The following SLC8A3 variants were observed in gnomAD, a reference collection of about 807,000 sequenced individuals.
The protein encoded by SLC8A3 is sodium/calcium exchanger 3.
Under a neutral mutation model 65.4 loss-of-function variants are expected in SLC8A3, and 37 were observed. That is an observed-to-expected ratio of 0.57 (90% CI 0.44 to 0.74). The LOEUF (loss-of-function observed/expected upper bound fraction) is 0.74, where lower values mean the gene tolerates loss of function less well. Ranked by LOEUF, SLC8A3 falls within the 30% of genes least tolerant of loss-of-function variation. The pLI is 0.00. For missense variants in SLC8A3, 1,112 were observed against 1,172.1 expected, an observed-to-expected ratio of 0.95 and a Z score of 0.75; for synonymous variants, 461 against 444.5, an observed-to-expected ratio of 1.04 and a Z score of -0.47.
intron 2 of SLC8A3, among the ~76,000 whole-genome samples, chr14:70,125,310 T>C (rs1894369065): frequency 6.6e-6 from 1 of 152,168 alleles, no homozygotes; most frequent in Non-Finnish European, 1.5e-5. Flanking sequence ...TAATTTTTCA[T>C]CATTGACCCT....
At chr14:70,129,281 A>C (rs1309102784) in intron 2 of SLC8A3, among the ~76,000 whole-genome samples, 1 of 152,180 alleles carries the variant, frequency 6.6e-6, no homozygotes, top group African/African-American at 2.4e-5. Context: ...GTGTCCTGGA[A>C]TCTGACCATT....
At chr14:70,083,402 G>T (rs1016512559) in intron 2 of SLC8A3, among the ~76,000 whole-genome samples, 4 of 152,178 alleles carry the variant, frequency 2.6e-5, no homozygotes, top group Non-Finnish European at 5.9e-5. Context: ...ATATTGGTCT[G>T]TTTCCTCTCT....
At position 70,167,728 on chromosome 14, in the gene SLC8A3, C is replaced by A; in HGVS notation, c.695G>T (p.Trp232Leu). ...AVFSPGVVQV[W>L]EGLLTLFFFP... is the part of the protein sequence containing the mutation. ...GAAGAAGAGAGTGAGGAGGCCTTCC[C>A]AAACCTGGACCACACCAGGGGAGAA... is the stretch of plus-strand genomic sequence containing the variant. The change falls in exon 2 of 7, where the codon TGG becomes TTG. Residue 232 changes from tryptophan to leucine, a missense_variant. By Grantham distance (61) the Trp-to-Leu change is moderately conservative. Coordinates refer to ENST00000356921, the MANE Select transcript of SLC8A3 (RefSeq NM_182932.3). The A allele has an allele frequency of 6.2e-7, 1 of 1,614,124 alleles. No homozygotes were observed. The highest frequency in any genetic ancestry group is 1.3e-5 in the African/African-American group (1 of 75,020).
At chr14:70,063,368 G>A (rs1889035294) in intron 2 of SLC8A3, among the ~76,000 whole-genome samples, 1 of 152,138 alleles carries the variant, frequency 6.6e-6, no homozygotes, top group Admixed American at 6.5e-5. Flanking sequence ...TCTAAGTTTA[G>A]CCCTGAGAAT....
At chr14:70,180,842 C>G (rs984235198) in intron 1 of SLC8A3, among the ~76,000 whole-genome samples, 6 of 152,140 alleles carry the variant, frequency 3.9e-5, no homozygotes, top group African/African-American at 1.4e-4. Flanking sequence ...TTGAGGAGTG[C>G]CAACCTGGGG....
chr14:70,068,849 A>G (rs543436596), intron 2 of SLC8A3, among the ~76,000 whole-genome samples: 71 of 152,060 alleles, frequency 4.7e-4, no homozygotes, highest in Admixed American at 2.4e-3. Flanking sequence ...ACCTCAGCCT[A>G]CCGAGTAGCT....
Position 70,152,052 on chromosome 14 carries a change from C to T in SLC8A3, c.1784+14587G>A, listed in dbSNP as rs540503347. Among the ~76,000 whole-genome samples the T allele has an allele frequency of 2.0e-5, 3 of 152,254 alleles. No homozygotes were observed. The South Asian group carries it at 6.2e-4, about 32-fold the overall frequency. On this transcript the variant is annotated intron_variant, in intron 2 of 6. Transcript: ENST00000356921. ...ACACTATTCAACCCAGTACAGCTTG[C>T]CAATGGCATTTTGGGCAGATCTCAC...
chr14:70,082,264 AT>A, intron 2 of SLC8A3, among the ~76,000 whole-genome samples: 1 of 151,982 alleles, frequency 6.6e-6, no homozygotes, highest in Non-Finnish European at 1.5e-5. Context: ...TCAGATTTCA[AT>A]TTTTTTAAAA....
At position 70,166,960 on chromosome 14, in the gene SLC8A3, C is replaced by A. The variant is rs774270009; in HGVS notation, c.1463G>T (p.Arg488Leu). 21 of 1,613,974 alleles carry A rather than the reference C, an allele frequency of 1.3e-5. No individual in the cohort carries two copies. In the Admixed American group the frequency reaches 1.5e-4, roughly 12 times the overall value. The part of the protein sequence containing the change: ...EHFFVRLSNV[R>L]IEEEQPEEGM... ...CTCCTCTGGCTGCTCCTCCTCTATG[C>A]GGACATTGCTCAACCTTACAAAGAA... The change falls in exon 2 of 7, where the codon CGC (arginine) becomes CTC (leucine). Residue 488 changes from arginine (R) to leucine (L), a missense_variant. Physicochemically the swap from Arg to Leu is moderately radical, Grantham distance 102. Transcript: ENST00000356921.
chr14:70,184,027 T>C (rs974990731), intron 1 of SLC8A3, among the ~76,000 whole-genome samples: 3 of 152,198 alleles, frequency 2.0e-5, no homozygotes, highest in African/African-American at 4.8e-5. Context: ...GCAATCTATC[T>C]TCACATGTTC....
intron 2 of SLC8A3, among the ~76,000 whole-genome samples, chr14:70,144,983 A>T (rs1895837147): frequency 6.6e-6 from 1 of 152,222 alleles, no homozygotes; most frequent in Non-Finnish European, 1.5e-5. Flanking sequence ...TCTTCATATG[A>T]CAGCCCAGGC....
At chr14:70,114,643 G>A (rs1326527347) in intron 2 of SLC8A3, among the ~76,000 whole-genome samples, 2 of 152,120 alleles carry the variant, frequency 1.3e-5, no homozygotes, top group East Asian at 3.8e-4. Flanking sequence ...ATTAAAAATA[G>A]CTTTGACTTT....
At chr14:70,134,062 A>G (rs1391322372) in intron 2 of SLC8A3, among the ~76,000 whole-genome samples, 3 of 152,120 alleles carry the variant, frequency 2.0e-5, no homozygotes, top group Admixed American at 6.5e-5. Flanking sequence ...ACTTGTCCTG[A>G]CCCAGCACTG....
At chr14:70,160,135 A>G (rs1266191899) in intron 2 of SLC8A3, among the ~76,000 whole-genome samples, 1 of 152,248 alleles carries the variant, frequency 6.6e-6, no homozygotes, top group Non-Finnish European at 1.5e-5. Context: ...ATTATAAGTA[A>G]TCTAGAGATG....
At chr14:70,110,516 T>C (rs1893215975) in intron 2 of SLC8A3, among the ~76,000 whole-genome samples, 3 of 152,164 alleles carry the variant, frequency 2.0e-5, no homozygotes, top group Non-Finnish European at 4.4e-5. Context: ...TGCTAATGAC[T>C]GGATCTCATT....
At chr14:70,159,398 G>A (rs1351142442) in intron 2 of SLC8A3, among the ~76,000 whole-genome samples, 2 of 126,304 alleles carry the variant, frequency 1.6e-5, no homozygotes, top group African/African-American at 6.2e-5. Context: ...GGGCAACAGA[G>A]CAAGACTCTG....
At chr14:70,080,719 C>A (rs1890981844) in intron 2 of SLC8A3, among the ~76,000 whole-genome samples, 1 of 152,164 alleles carries the variant, frequency 6.6e-6, no homozygotes. Flanking sequence ...TGTACACGGG[C>A]AGAAAAGAGA....
chr14:70,126,570 TCACA>T (rs55776930), intron 2 of SLC8A3, among the ~76,000 whole-genome samples: 29,108 of 116,036 alleles, frequency 0.25, 3,360 homozygotes, highest in Admixed American at 0.34. Context: ...TCTCTCTCTC[TCACA>T]CACACACACA....
intron 3 of SLC8A3, among the ~76,000 whole-genome samples, chr14:70,054,865 T>C (rs1887909379): frequency 6.6e-6 from 1 of 152,186 alleles, no homozygotes; most frequent in Admixed American, 6.5e-5. Context: ...ATGAACTCTG[T>C]AAGATGTTTT....
Sources: gnomAD v4.1 joint callset for allele counts (sites outside exome capture counted in the v4.1 genomes callset) on GRCh38, gnomAD v4.1.1 for gene constraint, MANE v1.5 for transcripts, NCBI Gene and HGNC (gene_info 2026-07-23, HGNC 2026-07-21) for gene names.